The following SH3BGRL2 variants were observed in gnomAD, a reference collection of about 807,000 sequenced individuals.
SH3BGRL2 encodes the protein SH3 domain binding glutamate rich protein like 2.
SH3BGRL2 carries 21 observed loss-of-function variants against 14.8 expected under a neutral mutation model. The ratio of observed to expected loss-of-function variants is 1.42; its 90% confidence interval spans 1.01 to 2.05. SH3BGRL2 has a LOEUF of 2.05. Among genes scored for constraint, SH3BGRL2 ranks in the 30% most tolerant of loss-of-function variants. The probability of loss-of-function intolerance (pLI) is 0.00; values close to 1 mark genes in which losing one functional copy is unlikely to be tolerated. For synonymous variants in SH3BGRL2, 50 were observed against 47.8 expected, an observed-to-expected ratio of 1.05 and a Z score of -0.19; for missense variants, 147 against 130.8, an observed-to-expected ratio of 1.12 and a Z score of -0.61.
the SH3BGRL2 span, chr6:79,575,433 A>G: frequency 6.6e-6 from 1 of 152,308 alleles, no homozygotes; most frequent in South Asian, 2.1e-4. Context: ...AGACAGGTTT[A>G]TACTCATTTA....
the SH3BGRL2 span, among the ~76,000 whole-genome samples, chr6:79,590,424 G>GTGATAT: frequency 1.5e-5 from 1 of 66,666 alleles, no homozygotes; most frequent in African/African-American, 7.1e-5. Flanking sequence ...AAGAAAATGT[G>GTGATAT]ATATATATAT....
At chr6:79,648,578 G>A (rs1769194889) in intron 1 of SH3BGRL2, among the ~76,000 whole-genome samples, 1 of 151,552 alleles carries the variant, frequency 6.6e-6, no homozygotes, top group Non-Finnish European at 1.5e-5. Context: ...GTAGATTGTG[G>A]AATGTCTTCT....
At chr6:79,577,611 A>T in the SH3BGRL2 span, among the ~76,000 whole-genome samples, 2 of 152,198 alleles carry the variant, frequency 1.3e-5, no homozygotes, top group Non-Finnish European at 2.9e-5. Context: ...CAAAAAAAAT[A>T]AAGCTGCTAT....
intron 3 of SH3BGRL2, among the ~76,000 whole-genome samples, chr6:79,697,249 T>A (rs956848800): frequency 6.6e-6 from 1 of 152,164 alleles, no homozygotes; most frequent in Admixed American, 6.5e-5. Flanking sequence ...CTAGACTCCT[T>A]TTTTTGAATT....
chr6:79,570,658 T>C, the SH3BGRL2 span, among the ~76,000 whole-genome samples: 1 of 152,216 alleles, frequency 6.6e-6, no homozygotes, highest in Non-Finnish European at 1.5e-5. Context: ...TGGGACCACC[T>C]GTTTCAAAAG....
the SH3BGRL2 span, among the ~76,000 whole-genome samples, chr6:79,605,139 T>G: frequency 6.6e-6 from 1 of 152,188 alleles, no homozygotes; most frequent in South Asian, 2.1e-4. Context: ...GTTTTCACAC[T>G]CTTGAAATGC....
chr6:79,696,591 T>C (rs754532414), intron 3 of SH3BGRL2, 26 bp downstream of exon 3: 23 of 1,485,782 alleles, frequency 1.5e-5, no homozygotes, highest in Non-Finnish European at 2.0e-5. Flanking sequence ...CTTATTCTTG[T>C]TTTAGAATTC....
the SH3BGRL2 span, among the ~76,000 whole-genome samples, chr6:79,608,766 T>G: frequency 4.6e-5 from 7 of 152,174 alleles, no homozygotes; most frequent in Non-Finnish European, 1.0e-4. Flanking sequence ...CCTGGAATGT[T>G]TTCTGAAACT....
the SH3BGRL2 span, among the ~76,000 whole-genome samples, chr6:79,611,215 A>G: frequency 6.6e-6 from 1 of 152,152 alleles, no homozygotes; most frequent in South Asian, 2.1e-4. Context: ...AAGATGTACA[A>G]CAATATATAG....
At chr6:79,560,310 C>T in the SH3BGRL2 span, among the ~76,000 whole-genome samples, 5 of 152,116 alleles carry the variant, frequency 3.3e-5, no homozygotes, top group Non-Finnish European at 5.9e-5. Context: ...TATTAACCTA[C>T]CAACAGTAGA....
At chr6:79,612,285 C>T in the SH3BGRL2 span, among the ~76,000 whole-genome samples, 2 of 152,066 alleles carry the variant, frequency 1.3e-5, no homozygotes, top group Admixed American at 1.3e-4. Context: ...CAGGCAACAG[C>T]GTGAGACTCT....
the SH3BGRL2 span, among the ~76,000 whole-genome samples, chr6:79,566,360 C>T: frequency 5.9e-5 from 9 of 152,062 alleles, no homozygotes; most frequent in Admixed American, 3.3e-4. Flanking sequence ...CAAATAGGGC[C>T]GCCTTCAAGT....
chr6:79,592,431 C>T, the SH3BGRL2 span, among the ~76,000 whole-genome samples: 2 of 152,052 alleles, frequency 1.3e-5, no homozygotes, highest in African/African-American at 4.8e-5. Flanking sequence ...ATATGTATTA[C>T]AAAGTGAAAG....
chr6:79,596,363 T>C, the SH3BGRL2 span, among the ~76,000 whole-genome samples: 1 of 151,036 alleles, frequency 6.6e-6, no homozygotes, highest in Non-Finnish European at 1.5e-5. Flanking sequence ...TCTCACTATA[T>C]TGCCCAGACT....
At chr6:79,618,916 A>AAAAAAAAAAAAAAAAAAAC in the SH3BGRL2 span, among the ~76,000 whole-genome samples, 2 of 148,480 alleles carry the variant, frequency 1.3e-5, 1 homozygote, top group Non-Finnish European at 3.0e-5. Flanking sequence ...GACTCTGTCA[A>AAAAAAAAAAAAAAAAAAAC]AAAAAAAAAA....
the SH3BGRL2 span, among the ~76,000 whole-genome samples, chr6:79,615,336 G>T: frequency 6.6e-6 from 1 of 152,162 alleles, no homozygotes; most frequent in African/African-American, 2.4e-5. Context: ...GGCTGATATT[G>T]TTCGAAAAAA....
intron 1 of SH3BGRL2, among the ~76,000 whole-genome samples, chr6:79,670,838 C>T (rs1332040200): frequency 6.6e-6 from 1 of 152,138 alleles, no homozygotes; most frequent in Non-Finnish European, 1.5e-5. Flanking sequence ...TTCTGCACCT[C>T]CAGGCACCAT....
the SH3BGRL2 span, among the ~76,000 whole-genome samples, chr6:79,567,883 A>G: frequency 6.6e-6 from 1 of 152,192 alleles, no homozygotes; most frequent in Non-Finnish European, 1.5e-5. Context: ...CTATATTTTT[A>G]TAACTCCAGT....
the SH3BGRL2 span, among the ~76,000 whole-genome samples, chr6:79,590,641 G>A: frequency 1.3e-5 from 2 of 151,456 alleles, no homozygotes; most frequent in Non-Finnish European, 2.9e-5. Flanking sequence ...TATAAAGAAG[G>A]GAACAATAGA....
Sources: allele counts gnomAD v4.1 joint callset (sites outside exome capture counted in the v4.1 genomes callset), GRCh38; gene constraint gnomAD v4.1.1; transcripts MANE v1.5; gene names NCBI Gene and HGNC (gene_info 2026-07-23, HGNC 2026-07-21).